The following GBE1 variants were observed in gnomAD, a reference collection of about 807,000 sequenced individuals.
The protein encoded by GBE1 is 1,4-alpha-glucan-branching enzyme.
In GBE1, 70 loss-of-function variants were observed where a neutral mutation model predicts 88.8. That is an observed-to-expected ratio of 0.79 (90% CI 0.65 to 0.96). The LOEUF is 0.96. GBE1 is among the 40% of genes least tolerant of loss of function. The pLI is 0.00. For missense variants in GBE1, 872 were observed against 871.0 expected (o/e 1.00, Z -0.01); for synonymous variants, 284 against 300.1 (o/e 0.95, Z 0.56).
At chr3:81,498,012 T>G (rs910069458) in intron 15 of GBE1, among the ~76,000 whole-genome samples, 1 of 152,162 alleles carries the variant, frequency 6.6e-6, no homozygotes, top group Admixed American at 6.6e-5. Flanking sequence ...TATCTAAAGC[T>G]GTATCAGTGT....
chr3:81,493,016 G>A (rs908802522), intron 15 of GBE1, among the ~76,000 whole-genome samples: 3 of 152,072 alleles, frequency 2.0e-5, no homozygotes, highest in Non-Finnish European at 2.9e-5. Context: ...GATTACAGGC[G>A]TGAACCACCG....
intron 2 of GBE1, among the ~76,000 whole-genome samples, chr3:81,691,180 C>G (rs1031225030): frequency 2.0e-5 from 3 of 152,118 alleles, no homozygotes; most frequent in Admixed American, 2.0e-4. Context: ...GTGAATGAAT[C>G]TCGATCTTAA....
chr3:81,658,905 G>A (rs1704981432), intron 3 of GBE1, among the ~76,000 whole-genome samples: 1 of 152,176 alleles, frequency 6.6e-6, no homozygotes. Flanking sequence ...ATGCTGAGAT[G>A]TTGTAATCAT....
chr3:81,699,008 T>G (rs1038378671), intron 2 of GBE1, among the ~76,000 whole-genome samples: 2 of 151,330 alleles, frequency 1.3e-5, no homozygotes, highest in African/African-American at 4.8e-5. Context: ...TAGGTTCACA[T>G]ACGTCAAAGA....
intron 1 of GBE1, among the ~76,000 whole-genome samples, chr3:81,742,728 C>T (rs1419286361): frequency 6.6e-6 from 1 of 152,102 alleles, no homozygotes; most frequent in African/African-American, 2.4e-5. Context: ...GCATGTTAAA[C>T]AGAATTGCCC....
At chr3:81,503,944 G>C (rs1040471830) in intron 14 of GBE1, among the ~76,000 whole-genome samples, 1 of 152,140 alleles carries the variant, frequency 6.6e-6, no homozygotes, top group African/African-American at 2.4e-5. Context: ...AGGGCCTTAA[G>C]AAGCTTACAC....
At chr3:81,491,377 G>A (rs998749766) in intron 15 of GBE1, among the ~76,000 whole-genome samples, 1 of 152,118 alleles carries the variant, frequency 6.6e-6, no homozygotes, top group Non-Finnish European at 1.5e-5. Context: ...AAAGTCATAC[G>A]TTTTATTTCT....
At chr3:81,679,654 C>T (rs558995584) in intron 2 of GBE1, among the ~76,000 whole-genome samples, 133 of 152,276 alleles carry the variant, frequency 8.7e-4, no homozygotes, top group Non-Finnish European at 9.7e-4. Context: ...GTTTTCATTT[C>T]TTTTCAAAAC....
At chr3:81,530,461 C>G (rs1400489802) in intron 14 of GBE1, among the ~76,000 whole-genome samples, 3 of 151,882 alleles carry the variant, frequency 2.0e-5, no homozygotes, top group Non-Finnish European at 4.4e-5. Context: ...CTTGTTTATA[C>G]TGATCCTTGG....
At chr3:81,526,818 C>T (rs929371427) in intron 14 of GBE1, among the ~76,000 whole-genome samples, 5 of 152,050 alleles carry the variant, frequency 3.3e-5, no homozygotes, top group African/African-American at 1.2e-4. Context: ...AGATTCAATG[C>T]CATCCCCATC....
chr3:81,606,959 G>C (rs1180270434), intron 7 of GBE1, among the ~76,000 whole-genome samples: 2 of 152,154 alleles, frequency 1.3e-5, no homozygotes, highest in Non-Finnish European at 2.9e-5. Context: ...TGTATTCCCA[G>C]AGCCTAGCAG....
At chr3:81,587,246 G>C (rs954700920) in intron 9 of GBE1, among the ~76,000 whole-genome samples, 5 of 152,066 alleles carry the variant, frequency 3.3e-5, no homozygotes, top group Non-Finnish European at 7.4e-5. Flanking sequence ...ATAGGTACAG[G>C]GACCCAGATG....
chr3:81,549,970 AAACC>A (rs1213486515), intron 12 of GBE1, among the ~76,000 whole-genome samples: 1 of 151,276 alleles, frequency 6.6e-6, no homozygotes, highest in East Asian at 1.9e-4. Flanking sequence ...TTACTCCTAT[AAACC>A]AACCAGTGAT....
chr3:81,555,427 G>C (rs1019907021), intron 12 of GBE1, among the ~76,000 whole-genome samples: 4 of 152,136 alleles, frequency 2.6e-5, no homozygotes, highest in African/African-American at 9.7e-5. Flanking sequence ...CTAAATGACA[G>C]AAATAGTATA....
rs144730988 is a variant in GBE1 at position 81,630,324 on chromosome 3, G to A, written c.992+12457C>T. Among the ~76,000 whole-genome samples the A allele has an allele frequency of 9.5e-3, 1,446 of 152,150 alleles. 17 individuals are homozygous for A. Among genetic ancestry groups the A allele is most frequent in the African/African-American group, 0.033 (1,377 of 41,510 alleles). On this transcript the variant is annotated intron_variant, in intron 7 of 15. Coordinates refer to ENST00000429644, the MANE Select transcript of GBE1 (RefSeq NM_000158.4). ...CTCATGGGTAGGAAGAATCAATATCGTGAAAATGGCCATCCCCATCAAGCT... is the reference window on the plus strand; with the variant it reads ...CTCATGGGTAGGAAGAATCAATATCATGAAAATGGCCATCCCCATCAAGCT...
chr3:81,654,869 T>C lies in GBE1; in HGVS notation c.430-4948A>G, dbSNP rs542786308. 4.6e-5 allele frequency: 7 copies of C among 152,320 alleles called. No homozygotes were observed. In the South Asian group the frequency reaches 1.0e-3, roughly 23 times the overall value. 9.4% of individuals were successfully genotyped at this position (152,320 alleles called of 1,614,324 possible). ...AGGTGTAAAACAATGTTTTGATATA[T>C]GTACACATAAACCCAACATATTTTA... On this transcript the variant is annotated intron_variant, in intron 3 of 15. Transcript: ENST00000429644.
At chr3:81,533,202 C>CT (rs1419361391) in intron 14 of GBE1, among the ~76,000 whole-genome samples, 1 of 152,076 alleles carries the variant, frequency 6.6e-6, no homozygotes, top group Non-Finnish European at 1.5e-5. Flanking sequence ...AGGAGCATTA[C>CT]TTTAGCACTC....
At chr3:81,654,221 A>C (rs1421245745) in intron 3 of GBE1, among the ~76,000 whole-genome samples, 1 of 152,208 alleles carries the variant, frequency 6.6e-6, no homozygotes, top group African/African-American at 2.4e-5. Context: ...TGTAAAAGTC[A>C]AATTAACTTA....
chr3:81,639,504 ACGCCCCTTCGAAGGGAGGGGCGTT>A (rs1704640546), intron 7 of GBE1, among the ~76,000 whole-genome samples: 1 of 151,974 alleles, frequency 6.6e-6, no homozygotes, highest in Admixed American at 6.6e-5. Context: ...AAATTACTTA[ACGCCCCTTCGAAGGGAGGGGCGTT>A]AAGGAATTTT....
Sources: gnomAD v4.1 joint callset for allele counts (sites outside exome capture counted in the v4.1 genomes callset) on GRCh38, gnomAD v4.1.1 for gene constraint, MANE v1.5 for transcripts, NCBI Gene and HGNC (gene_info 2026-07-23, HGNC 2026-07-21) for gene names.